Variants in UBE2E3 observed in about 807,000 individuals in gnomAD.
UBE2E3 encodes the protein ubiquitin conjugating enzyme E2 E3.
A neutral mutation model predicts 23.6 loss-of-function variants in UBE2E3; 5 were observed. That is an observed-to-expected ratio of 0.21 (90% CI 0.11 to 0.44). The LOEUF is 0.44. Ranked by LOEUF, UBE2E3 falls within the 20% of genes least tolerant of loss-of-function variation. The pLI, the probability that UBE2E3 is intolerant of heterozygous loss-of-function variation, is 0.99. For synonymous variants in UBE2E3, 78 were observed against 87.5 expected, an observed-to-expected ratio of 0.89 and a Z score of 0.60; for missense variants, 81 against 249.8, an observed-to-expected ratio of 0.32 and a Z score of 4.55.
intron 3 of UBE2E3, among the ~76,000 whole-genome samples, chr2:181,004,702 T>G: frequency 6.6e-6 from 1 of 152,216 alleles, no homozygotes; most frequent in South Asian, 2.1e-4. Flanking sequence ...GGAATACTTG[T>G]CAGTTTATGT....
At chr2:181,024,031 C>CA (rs1206736557) in intron 3 of UBE2E3, among the ~76,000 whole-genome samples, 1 of 152,054 alleles carries the variant, frequency 6.6e-6, no homozygotes, top group Non-Finnish European at 1.5e-5. Context: ...TCCCAGTACT[C>CA]ATGTTTGTTA....
intron 3 of UBE2E3, among the ~76,000 whole-genome samples, chr2:180,998,511 G>T (rs1039312682): frequency 6.6e-6 from 1 of 152,066 alleles, no homozygotes; most frequent in Non-Finnish European, 1.5e-5. Flanking sequence ...GTGATGCTAT[G>T]GAAGAACAAT....
chr2:180,992,873 T>A (rs1337970997), intron 3 of UBE2E3, among the ~76,000 whole-genome samples: 1 of 152,130 alleles, frequency 6.6e-6, no homozygotes, highest in Non-Finnish European at 1.5e-5. Context: ...ACCATGTTGA[T>A]CAGGCTGGGA....
intron 3 of UBE2E3, among the ~76,000 whole-genome samples, chr2:180,997,383 T>TGAA (rs1684857103): frequency 1.3e-5 from 2 of 152,168 alleles, no homozygotes; most frequent in Non-Finnish European, 2.9e-5. Flanking sequence ...TATGACTTAT[T>TGAA]CTGTTTCTTT....
In UBE2E3 at chr2:180,993,111, A is replaced by T. The variant is rs919411784; in HGVS notation, c.245+9018A>T. Among the ~76,000 whole-genome samples the T allele has an allele frequency of 8.5e-5, 13 of 152,308 alleles. No homozygotes were observed. The South Asian group carries it at 2.3e-3, about 27-fold the overall frequency. ...TCTGTTGACATTCTATCAGTTTTAT[A>T]AGGGTGTATAGAGAAATAACAAAAG... is the stretch of plus-strand genomic sequence containing the variant. On this transcript the variant is annotated intron_variant, in intron 3 of 5. Coordinates refer to ENST00000410062, the MANE Select transcript of UBE2E3 (RefSeq NM_006357.4).
rs1169956053 is a variant in UBE2E3, at chr2:180,987,424, TC to T, written c.245+3332del. ...TGGATTTCTAACTTAACCCCTAATT[TC>T]TTTCCATATAGGAAGAAGCACAAAT... is the stretch of plus-strand genomic sequence containing the variant. On this transcript the variant is annotated intron_variant, in intron 3 of 5. Transcript: ENST00000410062. 4 of 1,548,624 alleles carry T rather than the reference TC, an allele frequency of 2.6e-6. No individual in the cohort carries two copies. The African/African-American group carries it at 5.5e-5, about 21-fold the overall frequency.
chr2:180,980,859 C>T lies in UBE2E3; in HGVS notation c.-140C>T, dbSNP rs1304847430. ...CAGAGCCTCCTCGGCTTCTTTTTTT[C>T]CCTCCCCCCCCTTCCCCCCCCCACA... is the stretch of plus-strand genomic sequence containing the variant. On this transcript the variant is annotated 5_prime_UTR_variant, in exon 1 of 6. Coordinates refer to ENST00000410062, the MANE Select transcript of UBE2E3 (RefSeq NM_006357.4). The surrounding 1 kb of genome is among the most constrained non-coding windows in gnomAD (Gnocchi z 5.5). 1.3e-5 allele frequency: 2 copies of T among 148,818 alleles called. No homozygotes were observed. The highest frequency in any genetic ancestry group is 2.4e-5 in the African/African-American group (1 of 40,960). The allele number at this position is 148,818 out of a possible 1,614,324, so 9.2% of individuals were successfully genotyped here.
rs1250858766 is a variant in UBE2E3, at chr2:180,982,126, C to A, written c.84C>A (p.Ala28=). 6.2e-7 allele frequency: 1 copy of A among 1,613,136 alleles called. No individual in the cohort carries two copies. The change falls in exon 2 of 6, where the codon GCC becomes GCA. Residue 28 remains alanine, a synonymous_variant. Coordinates refer to ENST00000410062, the MANE Select transcript of UBE2E3 (RefSeq NM_006357.4). ...GSSDADQRDP[A]APEPEEQEER... The stretch of plus-strand genomic sequence containing the variant: ...CAGATGCGGACCAGCGAGACCCAGC[C>A]GCTCCAGAGCCTGAAGAACAAGAGG...
chr2:180,988,910 A>G (rs1473124450), intron 3 of UBE2E3, among the ~76,000 whole-genome samples: 1 of 152,110 alleles, frequency 6.6e-6, no homozygotes, highest in African/African-American at 2.4e-5. Flanking sequence ...ATTCTTCAAA[A>G]AAAAAGGTCC....
At chr2:181,029,839 C>CTTTTT (rs546001645) in intron 3 of UBE2E3, among the ~76,000 whole-genome samples, 1 of 131,946 alleles carries the variant, frequency 7.6e-6, no homozygotes, top group Admixed American at 7.5e-5. Flanking sequence ...AATTCGGTCC[C>CTTTTT]TTTTTTTTTT....
At chr2:180,989,559 C>G (rs1274206497) in intron 3 of UBE2E3, among the ~76,000 whole-genome samples, 1 of 152,080 alleles carries the variant, frequency 6.6e-6, no homozygotes, top group Admixed American at 6.6e-5. Context: ...TCACAGTAGG[C>G]CTAGTTATTT....
intron 3 of UBE2E3, among the ~76,000 whole-genome samples, chr2:181,010,613 A>G (rs940617756): frequency 6.6e-6 from 1 of 152,182 alleles, no homozygotes; most frequent in Admixed American, 6.6e-5. Context: ...AAAATAGTAG[A>G]TAGCAGAATT....
chr2:181,023,563 T>G (rs538925957), intron 3 of UBE2E3, among the ~76,000 whole-genome samples: 1 of 152,288 alleles, frequency 6.6e-6, no homozygotes. Flanking sequence ...GAGGCATCCC[T>G]TACTTTCTTT....
rs565589527 is a variant in UBE2E3, at chr2:181,021,775, T to C, written c.246-35918T>C. ...AGTTTTTGACCAGTGGATTTCTTAA[T>C]ACTTTTGCAGACTAGCTTTCTATTT... On this transcript the variant is annotated intron_variant, in intron 3 of 5. Coordinates refer to ENST00000410062, the MANE Select transcript of UBE2E3 (RefSeq NM_006357.4). 1.3e-4 allele frequency among the ~76,000 whole-genome samples: 20 copies of C among 151,922 alleles called. No individual in the cohort carries two copies. In the South Asian group the frequency reaches 4.1e-3, roughly 32 times the overall value.
intron 3 of UBE2E3, among the ~76,000 whole-genome samples, chr2:181,043,643 C>T (rs1686580131): frequency 6.6e-6 from 1 of 152,042 alleles, no homozygotes; most frequent in African/African-American, 2.4e-5. Flanking sequence ...GACAAAAACA[C>T]AAGAAAGTAA....
At chr2:180,985,092 C>G (rs1015067047) in intron 3 of UBE2E3, among the ~76,000 whole-genome samples, 1 of 152,084 alleles carries the variant, frequency 6.6e-6, no homozygotes, top group Admixed American at 6.5e-5. Context: ...AGGGTATAAT[C>G]CAGTTGCTTC....
At chr2:181,049,404 G>A (rs780215415) in intron 3 of UBE2E3, among the ~76,000 whole-genome samples, 6 of 151,976 alleles carry the variant, frequency 3.9e-5, no homozygotes, top group Non-Finnish European at 7.4e-5. Flanking sequence ...GTGTTTGTGT[G>A]TGTTTTTTAA....
intron 5 of UBE2E3, among the ~76,000 whole-genome samples, chr2:181,062,048 T>C (rs923239594): frequency 2.6e-5 from 4 of 151,664 alleles, no homozygotes; most frequent in African/African-American, 9.7e-5. Flanking sequence ...AAAATACATA[T>C]ACACAACATA....
At chr2:181,053,674 C>G (rs1686908699) in intron 3 of UBE2E3, among the ~76,000 whole-genome samples, 1 of 151,850 alleles carries the variant, frequency 6.6e-6, no homozygotes, top group African/African-American at 2.4e-5. Flanking sequence ...TTGTTACATT[C>G]CAATCGATAA....
Sources: gnomAD v4.1 joint callset for allele counts (sites outside exome capture counted in the v4.1 genomes callset) on GRCh38, gnomAD v4.1.1 for gene constraint, Gnocchi (gnomAD v3.1) non-coding constraint, MANE v1.5 for transcripts, NCBI Gene and HGNC (gene_info 2026-07-23, HGNC 2026-07-21) for gene names.